STK33: variants seen among roughly 807,000 people sequenced by gnomAD.
STK33 encodes the protein serine/threonine kinase 33.
STK33 carries 52 observed loss-of-function variants against 58.0 expected under a neutral mutation model. That is an observed-to-expected ratio of 0.90 (90% confidence interval 0.72 to 1.13). The LOEUF (loss-of-function observed/expected upper bound fraction) is 1.13. Among genes scored for constraint, STK33 ranks in the 50% most tolerant of loss-of-function variants. The pLI, the probability that STK33 is intolerant of heterozygous loss-of-function variation, is 0.00. For synonymous variants in STK33, 215 were observed against 200.1 expected, an observed-to-expected ratio of 1.07 and a Z score of -0.63; for missense variants, 630 against 604.2, an observed-to-expected ratio of 1.04 and a Z score of -0.45.
chr11:8,567,534 C>G (rs1187747831), intron 1 of STK33, among the ~76,000 whole-genome samples: 2 of 152,120 alleles, frequency 1.3e-5, no homozygotes, highest in South Asian at 2.1e-4. Flanking sequence ...TTGGCTATAA[C>G]AAACCAATAT....
intron 1 of STK33, among the ~76,000 whole-genome samples, chr11:8,511,909 A>C (rs1565231155): frequency 6.6e-6 from 1 of 152,168 alleles, no homozygotes; most frequent in Non-Finnish European, 1.5e-5. Context: ...ATCTATCAAA[A>C]CAGTAATATT....
At chr11:8,577,714 GT>G (rs1172506079) in intron 1 of STK33, among the ~76,000 whole-genome samples, 5 of 152,080 alleles carry the variant, frequency 3.3e-5, no homozygotes, top group African/African-American at 1.2e-4. Flanking sequence ...CTATGAAGGT[GT>G]AAGTATACAT....
chr11:8,496,135 G>C (rs1437051792), intron 1 of STK33, among the ~76,000 whole-genome samples: 1 of 151,544 alleles, frequency 6.6e-6, no homozygotes. Flanking sequence ...AAAAGAAAAA[G>C]GAAGGACAAA....
intron 14 of STK33, among the ~76,000 whole-genome samples, chr11:8,430,882 T>C (rs1276715872): frequency 6.6e-6 from 1 of 151,490 alleles, no homozygotes; most frequent in Non-Finnish European, 1.5e-5. Context: ...TTTTTTTTTT[T>C]TTGAGATGGA....
intron 1 of STK33, among the ~76,000 whole-genome samples, chr11:8,579,336 T>C (rs1327966477): frequency 6.6e-6 from 1 of 152,060 alleles, no homozygotes; most frequent in African/African-American, 2.4e-5. Context: ...CCAAATGAAA[T>C]GCCACCAATT....
In STK33 at chr11:8,414,073, G is replaced by A. The variant is rs182169100; in HGVS notation, c.1147-381C>T. 1.6e-3 allele frequency among the ~76,000 whole-genome samples: 241 copies of A among 152,216 alleles called. 1 individual carries two copies. The highest frequency in any genetic ancestry group is 8.3e-4 in the South Asian group (4 of 4,818). On this transcript the variant is annotated intron_variant, in intron 14 of 15. Transcript: ENST00000687296. ...AAAGAAGTTGCCCAAACGCCAGTGC[G>A]TCCAGTGCTAAGGATGAGTCTATAC... is the stretch of plus-strand genomic sequence containing the variant.
At chr11:8,503,218 A>T (rs1345252916) in intron 1 of STK33, among the ~76,000 whole-genome samples, 1 of 152,202 alleles carries the variant, frequency 6.6e-6, no homozygotes, top group African/African-American at 2.4e-5. Context: ...GAATCAACCT[A>T]AATGTCCATC....
chr11:8,338,492 C>T, the STK33 span, among the ~76,000 whole-genome samples: 18 of 152,176 alleles, frequency 1.2e-4, no homozygotes, highest in African/African-American at 3.6e-4. Flanking sequence ...CCGGCCAGGA[C>T]GGTGCCACAT....
intron 1 of STK33, among the ~76,000 whole-genome samples, chr11:8,577,236 A>C (rs922197504): frequency 2.0e-5 from 3 of 152,198 alleles, no homozygotes; most frequent in African/African-American, 7.2e-5. Context: ...TTTCTGGATA[A>C]AAGATTTTAA....
At chr11:8,390,473 C>T (rs1457073612), downstream of STK33, among the ~76,000 whole-genome samples, 2 of 152,170 alleles carry the variant, frequency 1.3e-5, no homozygotes, top group Non-Finnish European at 2.9e-5. Context: ...CATATATCCC[C>T]AGACCTTAAA....
chr11:8,341,857 G>C, the STK33 span, among the ~76,000 whole-genome samples: 2 of 152,206 alleles, frequency 1.3e-5, no homozygotes, highest in Non-Finnish European at 2.9e-5. Flanking sequence ...GTGATCATGA[G>C]AGTTTACATT....
chr11:8,548,382 T>C (rs889230921), intron 1 of STK33, among the ~76,000 whole-genome samples: 1 of 152,212 alleles, frequency 6.6e-6, no homozygotes. Context: ...CCACAGTGTA[T>C]GTTTCTGGAG....
intron 12 of STK33, among the ~76,000 whole-genome samples, chr11:8,438,319 T>C (rs553099831): frequency 2.0e-5 from 3 of 152,374 alleles, no homozygotes; most frequent in East Asian, 3.9e-4. Context: ...TACTATTTTG[T>C]TGCATTCATA....
intron 1 of STK33, among the ~76,000 whole-genome samples, chr11:8,586,822 TAAAAAA>T (rs56064924): frequency 7.7e-5 from 6 of 78,220 alleles, no homozygotes; most frequent in Admixed American, 3.1e-4. Flanking sequence ...AGACTCTGTC[TAAAAAA>T]AAAAAAAAAA....
intron 1 of STK33, among the ~76,000 whole-genome samples, chr11:8,499,565 T>C (rs1346041908): frequency 1.3e-5 from 2 of 152,152 alleles, no homozygotes; most frequent in African/African-American, 4.8e-5. Context: ...GCAATCCCAT[T>C]ACTGGGTATA....
the STK33 span, among the ~76,000 whole-genome samples, chr11:8,358,740 T>C: frequency 1.3e-5 from 2 of 151,992 alleles, no homozygotes; most frequent in African/African-American, 4.8e-5. Flanking sequence ...TTATAACCCA[T>C]TGAAAGAAAT....
At chr11:8,580,925 T>C (rs1387137355) in intron 1 of STK33, 3 of 152,086 alleles carry the variant, frequency 2.0e-5, no homozygotes, top group Admixed American at 1.3e-4. Flanking sequence ...GGTGGTATTG[T>C]CTCCCCAGGT....
At chr11:8,590,563 A>G (rs2032438780) in intron 1 of STK33, among the ~76,000 whole-genome samples, 1 of 152,234 alleles carries the variant, frequency 6.6e-6, no homozygotes, top group Non-Finnish European at 1.5e-5. Context: ...TAATTAGTCC[A>G]TATATGTAGA....
At chr11:8,454,197 T>C (rs1054305049) in intron 10 of STK33, among the ~76,000 whole-genome samples, 1 of 152,254 alleles carries the variant, frequency 6.6e-6, no homozygotes, top group Admixed American at 6.5e-5. Context: ...AACACATTTA[T>C]ATATTTTGAA....
Sources: gnomAD v4.1 joint callset for allele counts (sites outside exome capture counted in the v4.1 genomes callset) on GRCh38, gnomAD v4.1.1 for gene constraint, MANE v1.5 for transcripts, NCBI Gene and HGNC (gene_info 2026-07-23, HGNC 2026-07-21) for gene names.